METTL6: variants seen among roughly 807,000 people sequenced by gnomAD.
The protein encoded by METTL6 is methyltransferase 6, tRNA N3-cytidine, also known as tRNA N(3)-cytidine methyltransferase METTL6.
Under a neutral mutation model 26.4 loss-of-function variants are expected in METTL6, and 22 were observed. That is an observed-to-expected ratio of 0.83 (90% CI 0.59 to 1.19). The LOEUF (loss-of-function observed/expected upper bound fraction) is 1.19. METTL6 is among the 50% of genes most tolerant of loss of function. METTL6 has a pLI of 0.00. For synonymous variants in METTL6, 109 were observed against 116.2 expected (o/e 0.94, Z 0.40); for missense variants, 304 against 324.8 (o/e 0.94, Z 0.49).
rs539846800 is a variant in METTL6, at chr3:15,395,632, T to C, written c.*12-11445A>G. On this transcript the variant is annotated intron_variant, in intron 6 of 6. Coordinates refer to the METTL6 transcript ENST00000443029. ...CAATTTGGCATGTTTTTGCAGTGGCTGGTACCGGTTGTTCCTTTCCATGTT... is the reference window on the plus strand; with the variant it reads ...CAATTTGGCATGTTTTTGCAGTGGCCGGTACCGGTTGTTCCTTTCCATGTT... Among the ~76,000 whole-genome samples, 161 of 152,348 alleles carry C rather than the reference T, an allele frequency of 1.1e-3. 1 individual carries two copies. The highest frequency in any genetic ancestry group is 3.7e-3 in the African/African-American group (154 of 41,580).
downstream of METTL6, among the ~76,000 whole-genome samples, chr3:15,404,907 G>A (rs187400891): frequency 1.3e-5 from 2 of 152,282 alleles, no homozygotes; most frequent in Middle Eastern, 3.4e-3. Context: ...TGTGAGAAAT[G>A]TCTGCTCCCC....
chr3:15,382,083 C>T (rs1699094115), exon 7 of METTL6: 1 of 150,134 alleles, frequency 6.7e-6, no homozygotes, highest in African/African-American at 2.5e-5. Flanking sequence ...CGGGGTCTCA[C>T]TCTGCTGCCC....
chr3:15,411,366 C>G lies in METTL6; in HGVS notation c.745G>C (p.Val249Leu), dbSNP rs201095275. The change falls in exon 6 of 6, where the codon GTG becomes CTG. Residue 249 changes from valine to leucine, a missense_variant. By Grantham distance (32) the Val-to-Leu change is conservative. Transcript: ENST00000383790. ...ACACACAGGCCTTCTTTTTTATTCA[C>G]CGTCTCTCGAAACACATACTCGTTT... ...VVNEYVFRET[V>L]NKKEGLCVPR... is the part of the protein sequence containing the mutation. 1 of 1,614,156 alleles carries G rather than the reference C, an allele frequency of 6.2e-7. No homozygotes were observed. The highest frequency in any genetic ancestry group is 8.5e-7 in the Non-Finnish European group (1 of 1,180,026).
At chr3:15,417,118 C>T (rs114621347) in intron 3 of METTL6, among the ~76,000 whole-genome samples, 228 of 152,172 alleles carry the variant, frequency 1.5e-3, no homozygotes, top group African/African-American at 5.2e-3. Flanking sequence ...GAGCTATGAT[C>T]CATGCCACTG....
chr3:15,411,346 C>G lies in METTL6; in HGVS notation c.765G>C (p.Leu255=). 3.7e-6 allele frequency: 6 copies of G among 1,614,248 alleles called. No homozygotes were observed. Among genetic ancestry groups the G allele is most frequent in the Non-Finnish European group, 5.1e-6 (6 of 1,180,048 alleles). ...TCTGAAGGAAAACTCTTGGCACACA[C>G]AGGCCTTCTTTTTTATTCACCGTCT... ...FRETVNKKEG[L]CVPRVFLQSK... Residue 255 remains leucine, a synonymous_variant, in exon 6 of 6, where the codon CTG becomes CTC. Transcript: ENST00000383790.
chr3:15,392,035 G>A (rs1166193495), intron 6 of METTL6, among the ~76,000 whole-genome samples: 26 of 152,280 alleles, frequency 1.7e-4, no homozygotes, highest in African/African-American at 4.8e-4. Context: ...GGCTGGGTCA[G>A]ATGGTATTTC....
chr3:15,412,012 A>G (rs568344155), intron 5 of METTL6, among the ~76,000 whole-genome samples: 6 of 152,020 alleles, frequency 3.9e-5, no homozygotes, highest in South Asian at 2.1e-4. Flanking sequence ...TGATCCCCCA[A>G]TCTTGGCCTC....
chr3:15,385,918 C>A (rs981805768), intron 6 of METTL6, among the ~76,000 whole-genome samples: 1 of 152,274 alleles, frequency 6.6e-6, no homozygotes, highest in Middle Eastern at 3.4e-3. Context: ...GGATCCCAAT[C>A]CAGACCCCAG....
intron 2 of METTL6, among the ~76,000 whole-genome samples, chr3:15,425,385 T>C (rs2061695279): frequency 6.6e-6 from 1 of 152,204 alleles, no homozygotes; most frequent in South Asian, 2.1e-4. Context: ...AACAGCTCTG[T>C]GCCTCAATTT....
chr3:15,406,635 G>T (rs1264379657), downstream of METTL6, among the ~76,000 whole-genome samples: 4 of 121,206 alleles, frequency 3.3e-5, no homozygotes, highest in South Asian at 3.0e-4. Flanking sequence ...TATATAGAGA[G>T]AGAGAGAGAG....
rs753448373 is a variant in METTL6, at chr3:15,411,374, C to G, written c.737G>C (p.Arg246Pro). The G allele has an allele frequency of 1.2e-6, 2 of 1,614,124 alleles. No homozygotes were observed. The highest frequency in any genetic ancestry group is 2.2e-5 in the South Asian group (2 of 91,082). The change falls in exon 6 of 6, where the codon CGA becomes CCA. Residue 246 changes from arginine to proline, a missense_variant. Physicochemically the swap from Arg to Pro is moderately radical, Grantham distance 103 (BLOSUM62 -2). Transcript: ENST00000383790. The part of the protein sequence containing the change: ...YEEVVNEYVF[R>P]ETVNKKEGLC... ...GCCTTCTTTTTTATTCACCGTCTCTCGAAACACATACTCGTTTACCACTTC... is the reference window on the plus strand; with the variant it reads ...GCCTTCTTTTTTATTCACCGTCTCTGGAAACACATACTCGTTTACCACTTC...
rs746216005 is a variant in METTL6, at chr3:15,414,037, T to G, written c.657A>C (p.Ser219=). 2 of 1,614,046 alleles carry G rather than the reference T, an allele frequency of 1.2e-6. No homozygotes were observed. Among genetic ancestry groups the G allele is most frequent in the Admixed American group, 1.7e-5 (1 of 59,974 alleles). The change falls in exon 5 of 6, where the codon TCA becomes TCC. Residue 219 remains serine, a synonymous_variant. Coordinates refer to ENST00000383790, the MANE Select transcript of METTL6 (RefSeq NM_152396.4). The part of the protein sequence containing the change: ...NFYVRQDGTR[S]YFFTDDFLAQ... ...TCATCTTACCATCAGTAAAAAAATA[T>G]GATCTGGTCCCATCTTGTCTAACAT...
At chr3:15,412,017 G>A (rs1490137622) in intron 5 of METTL6, among the ~76,000 whole-genome samples, 1 of 152,026 alleles carries the variant, frequency 6.6e-6, no homozygotes, top group Non-Finnish European at 1.5e-5. Flanking sequence ...CCCCAATCTT[G>A]GCCTCCCAAA....
At chr3:15,403,662 T>C (rs1699708345) in intron 6 of METTL6, among the ~76,000 whole-genome samples, 1 of 152,160 alleles carries the variant, frequency 6.6e-6, no homozygotes, top group South Asian at 2.1e-4. Context: ...CATGCGCATG[T>C]TACTGGGAAG....
intron 6 of METTL6, among the ~76,000 whole-genome samples, chr3:15,396,005 G>A (rs1328312283): frequency 6.6e-6 from 1 of 151,978 alleles, no homozygotes; most frequent in East Asian, 1.9e-4. Context: ...GTATCTTTGT[G>A]GTGTTCTCTG....
intron 3 of METTL6, among the ~76,000 whole-genome samples, chr3:15,416,774 G>A (rs1295462368): frequency 1.3e-5 from 2 of 152,188 alleles, no homozygotes; most frequent in Admixed American, 1.3e-4. Flanking sequence ...GGAGTATTAT[G>A]AAGAAAAACA....
Position 15,425,025 on chromosome 3 carries a change from A to C in METTL6, c.290T>G (p.Leu97Arg), listed in dbSNP as rs1417187240. Residue 97 changes from leucine (L) to arginine (R), a missense_variant, in exon 3 of 6, where the codon CTT (leucine) becomes CGT (arginine). Transcript: ENST00000383790. ...AAAGATATTCGGATCTTCTTCTAAAAGTGGGAATAAACAGTTTCCAACCCC... is the reference window on the plus strand; with the variant it reads ...AAAGATATTCGGATCTTCTTCTAAACGTGGGAATAAACAGTTTCCAACCCC... ...GCGVGNCLFP[L>R]LEEDPNIFAY... 1.1e-5 allele frequency: 17 copies of C among 1,614,204 alleles called. No homozygotes were observed. Among genetic ancestry groups the C allele is most frequent in the Non-Finnish European group, 1.1e-5 (13 of 1,180,026 alleles).
chr3:15,402,738 AAAAAAAAAAAAGAAAAAG>A (rs1229783970), intron 6 of METTL6, among the ~76,000 whole-genome samples: 1 of 150,330 alleles, frequency 6.7e-6, no homozygotes, highest in Non-Finnish European at 1.5e-5. Context: ...TCCATCTCAA[AAAAAAAAAAAAGAAAAAG>A]AAAAAAAAAA....
chr3:15,427,607 C>T, upstream of METTL6: 1 of 627,712 alleles, frequency 1.6e-6, no homozygotes. Context: ...CCTCTCTCAC[C>T]CCCACGCAGA....
Sources: gnomAD v4.1 joint callset for allele counts (sites outside exome capture counted in the v4.1 genomes callset) on GRCh38, gnomAD v4.1.1 for gene constraint, MANE v1.5 for transcripts, NCBI Gene and HGNC (gene_info 2026-07-23, HGNC 2026-07-21) for gene names.